Variants in SLC1A1 observed in about 807,000 individuals in gnomAD.
SLC1A1 encodes solute carrier family 1 member 1.
A neutral mutation model predicts 53.3 loss-of-function variants in SLC1A1; 43 were observed. That is an observed-to-expected ratio of 0.81 (90% CI 0.63 to 1.04). The LOEUF (loss-of-function observed/expected upper bound fraction) is 1.04. SLC1A1 is among the 50% of genes least tolerant of loss of function. SLC1A1 has a pLI of 0.00. For synonymous variants in SLC1A1, 307 were observed against 243.2 expected, an observed-to-expected ratio of 1.26 and a Z score of -2.44; for missense variants, 748 against 664.9, an observed-to-expected ratio of 1.12 and a Z score of -1.37.
At chr9:4,578,855 G>A (rs986187649) in intron 10 of SLC1A1, among the ~76,000 whole-genome samples, 6 of 152,198 alleles carry the variant, frequency 3.9e-5, no homozygotes, top group Admixed American at 1.3e-4. Flanking sequence ...GTGATAGGCT[G>A]GGATTAGAGT....
chr9:4,520,918 C>T (rs1816047653), intron 1 of SLC1A1, among the ~76,000 whole-genome samples: 1 of 152,158 alleles, frequency 6.6e-6, no homozygotes, highest in African/African-American at 2.4e-5. Flanking sequence ...ACATCCTCAC[C>T]AACATATATC....
intron 1 of SLC1A1, among the ~76,000 whole-genome samples, chr9:4,493,167 C>G (rs1717993381): frequency 6.6e-6 from 1 of 152,146 alleles, no homozygotes; most frequent in Non-Finnish European, 1.5e-5. Flanking sequence ...AATCAAGTGC[C>G]CAGCTGAAAT....
chr9:4,515,450 G>C (rs1463426549), intron 1 of SLC1A1, among the ~76,000 whole-genome samples: 1 of 152,162 alleles, frequency 6.6e-6, no homozygotes, highest in Non-Finnish European at 1.5e-5. Context: ...CAGGTATCCA[G>C]GTAGAGTCCC....
chr9:4,584,697 C>A (rs1250749290), intron 11 of SLC1A1, among the ~76,000 whole-genome samples: 3 of 152,194 alleles, frequency 2.0e-5, no homozygotes, highest in Non-Finnish European at 4.4e-5. Context: ...AGTCTCTTCC[C>A]CAGGCTCTCT....
chr9:4,507,269 A>G (rs1019272596), intron 1 of SLC1A1, among the ~76,000 whole-genome samples: 7 of 151,974 alleles, frequency 4.6e-5, no homozygotes, highest in Non-Finnish European at 1.0e-4. Context: ...CCAAGAGTAA[A>G]CAAAATCCTC....
intron 1 of SLC1A1, among the ~76,000 whole-genome samples, chr9:4,539,279 G>C (rs1816810326): frequency 6.6e-6 from 1 of 152,180 alleles, no homozygotes; most frequent in South Asian, 2.1e-4. Context: ...GAAAAAACGA[G>C]AGAGGGAGAG....
At chr9:4,546,689 G>A (rs1196952234) in intron 2 of SLC1A1, among the ~76,000 whole-genome samples, 1 of 152,126 alleles carries the variant, frequency 6.6e-6, no homozygotes, top group East Asian at 1.9e-4. Context: ...TAAACATGGG[G>A]TCTTGATATG....
At chr9:4,536,540 A>G (rs959200299) in intron 1 of SLC1A1, among the ~76,000 whole-genome samples, 1 of 152,174 alleles carries the variant, frequency 6.6e-6, no homozygotes, top group African/African-American at 2.4e-5. Flanking sequence ...AAGTCAGGAA[A>G]CAACAGGTGC....
At chr9:4,563,255 G>C (rs10974627) in intron 3 of SLC1A1, among the ~76,000 whole-genome samples, 2,764 of 152,214 alleles carry the variant, frequency 0.018, 41 homozygotes, top group Middle Eastern at 0.054. Context: ...GATAAGAAGG[G>C]GTGGGATGTG....
intron 1 of SLC1A1, among the ~76,000 whole-genome samples, chr9:4,519,152 A>C (rs1815975581): frequency 6.6e-6 from 1 of 152,250 alleles, no homozygotes; most frequent in African/African-American, 2.4e-5. Flanking sequence ...TCTAAAGAGA[A>C]GTTTCTGTTC....
intron 1 of SLC1A1, among the ~76,000 whole-genome samples, chr9:4,501,285 C>G (rs892184925): frequency 6.6e-6 from 1 of 151,188 alleles, no homozygotes; most frequent in Non-Finnish European, 1.5e-5. Context: ...CAGGTTCAAA[C>G]AATTTTCCTG....
chr9:4,521,650 T>C lies in SLC1A1; in HGVS notation c.92-22917T>C, dbSNP rs117617884. Reference sequence around the variant, plus strand: ...GATGAGTTTGCTGTTTGAGACGGTATGGTAAGAAGCTTTATAATGGCTGGC... The same window carrying C: ...GATGAGTTTGCTGTTTGAGACGGTACGGTAAGAAGCTTTATAATGGCTGGC... On this transcript the variant is annotated intron_variant, in intron 1 of 11. Transcript: ENST00000262352. Among the ~76,000 whole-genome samples, 48 of 152,284 alleles carry C rather than the reference T, an allele frequency of 3.2e-4. No homozygotes were observed. In the East Asian group the frequency reaches 8.3e-3, roughly 26 times the overall value.
chr9:4,519,634 T>C (rs1460524595), intron 1 of SLC1A1, among the ~76,000 whole-genome samples: 1 of 152,252 alleles, frequency 6.6e-6, no homozygotes, highest in Non-Finnish European at 1.5e-5. Flanking sequence ...TGTGCATTCA[T>C]TATTTCACTT....
At chr9:4,497,788 G>C (rs1291937336) in intron 1 of SLC1A1, among the ~76,000 whole-genome samples, 1 of 152,106 alleles carries the variant, frequency 6.6e-6, no homozygotes, top group Non-Finnish European at 1.5e-5. Flanking sequence ...AAAGTAATGA[G>C]ACTGACTCTT....
Position 4,583,065 on chromosome 9 carries a change from A to T in SLC1A1, c.1221A>T (p.Gly407=). The change falls in exon 11 of 12, where the codon GGA becomes GGT. Residue 407 remains glycine, a synonymous_variant. Transcript: ENST00000262352. The surrounding 1 kb of genome is among the most constrained non-coding windows in gnomAD (Gnocchi z 4.6). ...ISITATSASI[G]AAGVPQAGLV... Reference sequence around the variant, plus strand: ...TCACGGCCACATCTGCCAGCATCGGAGCTGCTGGCGTGCCCCAGGCTGGCC... The same window carrying T: ...TCACGGCCACATCTGCCAGCATCGGTGCTGCTGGCGTGCCCCAGGCTGGCC... The T allele has an allele frequency of 6.2e-7, 1 of 1,614,166 alleles. No homozygotes were observed. The highest frequency in any genetic ancestry group is 8.5e-7 in the Non-Finnish European group (1 of 1,180,008).
At chr9:4,560,911 G>C (rs1393386683) in intron 2 of SLC1A1, among the ~76,000 whole-genome samples, 1 of 152,030 alleles carries the variant, frequency 6.6e-6, no homozygotes, top group Admixed American at 6.6e-5. Flanking sequence ...AAGGAGAATC[G>C]CTTGAACCCA....
intron 1 of SLC1A1, among the ~76,000 whole-genome samples, chr9:4,522,645 G>A (rs1416956505): frequency 6.6e-6 from 1 of 152,144 alleles, no homozygotes; most frequent in Admixed American, 6.5e-5. Context: ...GGCTGGGGAG[G>A]CCTCAGGAAA....
intron 2 of SLC1A1, among the ~76,000 whole-genome samples, chr9:4,559,533 A>C (rs555858902): frequency 6.9e-6 from 1 of 145,516 alleles, no homozygotes; most frequent in Admixed American, 6.9e-5. Context: ...GAGAAGCATA[A>C]ACCCCCAGTC....
chr9:4,534,678 T>C (rs1279900621), intron 1 of SLC1A1, among the ~76,000 whole-genome samples: 2 of 139,230 alleles, frequency 1.4e-5, no homozygotes, highest in African/African-American at 2.6e-5. Context: ...TTCCAATCAA[T>C]AGAAAAAGAG....
Sources: gnomAD v4.1 joint callset for allele counts (sites outside exome capture counted in the v4.1 genomes callset) on GRCh38, gnomAD v4.1.1 for gene constraint, Gnocchi (gnomAD v3.1) non-coding constraint, MANE v1.5 for transcripts, NCBI Gene and HGNC (gene_info 2026-07-23, HGNC 2026-07-21) for gene names.